AGPAT4: variants seen among roughly 807,000 people sequenced by gnomAD.
AGPAT4 encodes 1-acyl-sn-glycerol-3-phosphate acyltransferase delta.
AGPAT4 carries 15 observed loss-of-function variants against 48.0 expected under a neutral mutation model. The observed-to-expected ratio is 0.31, with a 90% confidence interval of 0.21 to 0.48. The LOEUF is 0.48. AGPAT4 is among the 20% of genes least tolerant of loss of function. The pLI is 0.99. For missense variants in AGPAT4, 314 were observed against 482.5 expected, an observed-to-expected ratio of 0.65 and a Z score of 3.27; for synonymous variants, 178 against 198.7, an observed-to-expected ratio of 0.90 and a Z score of 0.88.
rs1339611324 is a variant in AGPAT4 at position 161,219,923 on chromosome 6, CA to C, written c.178+12112del. 3.5e-4 allele frequency among the ~76,000 whole-genome samples: 43 copies of C among 121,210 alleles called. No homozygotes were observed. Among genetic ancestry groups the C allele is most frequent in the East Asian group, 2.0e-3 (9 of 4,424 alleles). The allele number at this position is 121,210 out of a possible 152,430, so 79.5% of individuals were successfully genotyped here. A position where few individuals can be genotyped will look rare whatever the true frequency, so the allele number is the denominator to read the frequency against. ...GGCAGGCAGGCAGGCAGGCGGCAGG[CA>C]GGCAGGCAGGCAGGCAGGCAGGCAG... On this transcript the variant is annotated intron_variant, in intron 2 of 8. Coordinates refer to ENST00000320285, the MANE Select transcript of AGPAT4 (RefSeq NM_020133.3). This position sits in a 1 kb window ranked among gnomAD's most constrained non-coding sequence, Gnocchi z 4.9.
At position 161,262,782 on chromosome 6, in the gene AGPAT4, T is replaced by G. The variant is rs1390184633; in HGVS notation, c.-90+11156A>C. On this transcript the variant is annotated intron_variant, in intron 1 of 8. Coordinates refer to ENST00000320285, the MANE Select transcript of AGPAT4 (RefSeq NM_020133.3). The surrounding 1 kb of genome is among the most constrained non-coding windows in gnomAD (Gnocchi z 4.9). ...AACTGGTACATTTCACACGCCTCTT[T>G]TGTTTTGAGTTCAAAAGATAACTCC... is the stretch of plus-strand genomic sequence containing the variant. Among the ~76,000 whole-genome samples, 1 of 152,160 alleles carries G rather than the reference T, an allele frequency of 6.6e-6. No homozygotes were observed. The highest frequency in any genetic ancestry group is 2.4e-5 in the African/African-American group (1 of 41,420).
At chr6:161,145,396 C>G (rs1779389678) in intron 7 of AGPAT4, among the ~76,000 whole-genome samples, 1 of 151,518 alleles carries the variant, frequency 6.6e-6, no homozygotes, top group Non-Finnish European at 1.5e-5. Context: ...TGCCCATAAC[C>G]TACATAGGAA....
rs1413361646 is a variant in AGPAT4 at position 161,139,440 on chromosome 6, T to C, written c.1024A>G (p.Ile342Val). Residue 342 changes from isoleucine (I) to valine (V), a missense_variant, in exon 8 of 9, where the codon ATC becomes GTC. By Grantham distance (29) the Ile-to-Val change is conservative (BLOSUM62 3). Coordinates refer to ENST00000320285, the MANE Select transcript of AGPAT4 (RefSeq NM_020133.3). This position sits in a 1 kb window ranked among gnomAD's most constrained non-coding sequence, Gnocchi z 9.1. ...SGSSLTLASF[I>V]LVFFVASVGV... The stretch of plus-strand genomic sequence containing the variant: ...CACTCACCCACAAAGAAGACGAGGA[T>C]GAAGCTGGCCAGCGTCAGGGAAGAC... The C allele has an allele frequency of 6.2e-7, 1 of 1,613,880 alleles. No individual in the cohort carries two copies. The highest frequency in any genetic ancestry group is 1.3e-5 in the African/African-American group (1 of 74,904).
At chr6:161,203,102 G>T (rs1781279049) in intron 2 of AGPAT4, among the ~76,000 whole-genome samples, 1 of 152,164 alleles carries the variant, frequency 6.6e-6, no homozygotes, top group African/African-American at 2.4e-5. Flanking sequence ...ACAATGAAAT[G>T]ATTATTTTAA....
chr6:161,187,840 G>A (rs905761488), intron 2 of AGPAT4, among the ~76,000 whole-genome samples: 24 of 152,126 alleles, frequency 1.6e-4, no homozygotes, highest in African/African-American at 4.6e-4. Context: ...CACCGTGCCC[G>A]GCCCAACTTT....
In AGPAT4 at chr6:161,159,423, A is replaced by G. The variant is rs1232502513; in HGVS notation, c.349-5113T>C. On this transcript the variant is annotated intron_variant, in intron 3 of 8. Transcript: ENST00000320285. The surrounding 1 kb of genome is among the most constrained non-coding windows in gnomAD (Gnocchi z 4.1). ...GGGAAGGGAGAAGCAGAAAGCTTTC[A>G]GTTTCTGTGTTCCACTTCTGCCACT... 1.3e-5 allele frequency among the ~76,000 whole-genome samples: 2 copies of G among 152,138 alleles called. No homozygotes were observed. Among genetic ancestry groups the G allele is most frequent in the Admixed American group, 1.3e-4 (2 of 15,278 alleles).
In AGPAT4 at chr6:161,173,566, T is replaced by G. The variant is rs185307388; in HGVS notation, c.179-7149A>C. Among the ~76,000 whole-genome samples the G allele has an allele frequency of 7.9e-5, 12 of 152,352 alleles. No homozygotes were observed. The East Asian group carries it at 2.3e-3, about 29-fold the overall frequency. ...TTAGCCCTTTGTCAGATGGGTAGAT[T>G]GTAAGATTTTTCTCCCATTCTGTAG... On this transcript the variant is annotated intron_variant, in intron 2 of 8. Coordinates refer to ENST00000320285, the MANE Select transcript of AGPAT4 (RefSeq NM_020133.3).
At position 161,222,368 on chromosome 6, in the gene AGPAT4, A is replaced by C. The variant is rs1236000586; in HGVS notation, c.178+9668T>G. The stretch of plus-strand genomic sequence containing the variant: ...GTGTAAAATATAAGACATCCAGATA[A>C]TAAGACAATTTTCTAAAATCATCTC... On this transcript the variant is annotated intron_variant, in intron 2 of 8. Coordinates refer to ENST00000320285, the MANE Select transcript of AGPAT4 (RefSeq NM_020133.3). This position sits in a 1 kb window ranked among gnomAD's most constrained non-coding sequence, Gnocchi z 5.9. 6.6e-6 allele frequency among the ~76,000 whole-genome samples: 1 copy of C among 151,128 alleles called. No homozygotes were observed. The highest frequency in any genetic ancestry group is 1.5e-5 in the Non-Finnish European group (1 of 68,036).
intron 2 of AGPAT4, among the ~76,000 whole-genome samples, chr6:161,170,504 C>CA (rs1488619413): frequency 6.6e-6 from 1 of 151,718 alleles, no homozygotes; most frequent in Non-Finnish European, 1.5e-5. Flanking sequence ...CACACACACA[C>CA]ACATACACAT....
Position 161,217,515 on chromosome 6 carries a change from G to A in AGPAT4, c.178+14521C>T, listed in dbSNP as rs1255939358. ...GTGTCCCTGGGGGAGTCCATCAGGT[G>A]CATGGTAATCCAGTATGAAGGCATT... is the stretch of plus-strand genomic sequence containing the variant. On this transcript the variant is annotated intron_variant, in intron 2 of 8. Coordinates refer to ENST00000320285, the MANE Select transcript of AGPAT4 (RefSeq NM_020133.3). This position sits in a 1 kb window ranked among gnomAD's most constrained non-coding sequence, Gnocchi z 4.9. Among the ~76,000 whole-genome samples the A allele has an allele frequency of 6.6e-6, 1 of 152,170 alleles. No homozygotes were observed. Among genetic ancestry groups the A allele is most frequent in the African/African-American group, 2.4e-5 (1 of 41,440 alleles).
chr6:161,264,911 C>T lies in AGPAT4; in HGVS notation c.-90+9027G>A, dbSNP rs1414261561. 6.6e-6 allele frequency among the ~76,000 whole-genome samples: 1 copy of T among 152,086 alleles called. No individual in the cohort carries two copies. Among genetic ancestry groups the T allele is most frequent in the East Asian group, 1.9e-4 (1 of 5,196 alleles). On this transcript the variant is annotated intron_variant, in intron 1 of 8. Transcript: ENST00000320285. This position sits in a 1 kb window ranked among gnomAD's most constrained non-coding sequence, Gnocchi z 6.8. Reference sequence around the variant, plus strand: ...GTCCCCCAGGGCTGGGGAGCTGAAGCCTAACTTCAGGCAGGGCAGGGTGCT... The same window carrying T: ...GTCCCCCAGGGCTGGGGAGCTGAAGTCTAACTTCAGGCAGGGCAGGGTGCT...
In AGPAT4 at chr6:161,261,921, G is replaced by A. The variant is rs1338031144; in HGVS notation, c.-90+12017C>T. Among the ~76,000 whole-genome samples, 6 of 152,168 alleles carry A rather than the reference G, an allele frequency of 3.9e-5. No homozygotes were observed. The highest frequency in any genetic ancestry group is 3.9e-4 in the Admixed American group (6 of 15,282). On this transcript the variant is annotated intron_variant, in intron 1 of 8. Transcript: ENST00000320285. This position sits in a 1 kb window ranked among gnomAD's most constrained non-coding sequence, Gnocchi z 5.3. ...GGCCAGAGACCCAGTTTGCCTGTAT[G>A]AGCTGTGCAGCCCTGGGAAGACTGC...
intron 2 of AGPAT4, among the ~76,000 whole-genome samples, chr6:161,207,083 A>G (rs1241111074): frequency 6.6e-6 from 1 of 152,240 alleles, no homozygotes; most frequent in African/African-American, 2.4e-5. Flanking sequence ...ACTTTTTCCA[A>G]TGCAGATAAG....
Position 161,259,336 on chromosome 6 carries a change from A to C in AGPAT4, c.-90+14602T>G, listed in dbSNP as rs190884078. Among the ~76,000 whole-genome samples the C allele has an allele frequency of 4.3e-4, 66 of 152,192 alleles. No homozygotes were observed. Among genetic ancestry groups the C allele is most frequent in the Non-Finnish European group, 8.5e-4 (58 of 68,008 alleles). On this transcript the variant is annotated intron_variant, in intron 1 of 8. Coordinates refer to ENST00000320285, the MANE Select transcript of AGPAT4 (RefSeq NM_020133.3). The surrounding 1 kb of genome is among the most constrained non-coding windows in gnomAD (Gnocchi z 4.9). Reference sequence around the variant, plus strand: ...ATGTAACAGACCTCTGCACCCCTGAAGCTTTAACAGCACCAATCATCCTTT... The same window carrying C: ...ATGTAACAGACCTCTGCACCCCTGACGCTTTAACAGCACCAATCATCCTTT...
intron 7 of AGPAT4, among the ~76,000 whole-genome samples, chr6:161,145,605 T>C (rs1779395697): frequency 6.6e-6 from 1 of 151,660 alleles, no homozygotes; most frequent in East Asian, 1.9e-4. Context: ...GTTAAGAGTC[T>C]TGTGGACTAA....
rs970161719 is a variant in AGPAT4, at chr6:161,214,897, C to A, written c.178+17139G>T. On this transcript the variant is annotated intron_variant, in intron 2 of 8. Transcript: ENST00000320285. This position sits in a 1 kb window ranked among gnomAD's most constrained non-coding sequence, Gnocchi z 5.4. ...TGAAAAGTCATTATGGGGCACGTGA[C>A]TATATTTCAAAACTATCTACGTTGA... is the stretch of plus-strand genomic sequence containing the variant. Among the ~76,000 whole-genome samples the A allele has an allele frequency of 6.6e-6, 1 of 152,154 alleles. No individual in the cohort carries two copies. Among genetic ancestry groups the A allele is most frequent in the African/African-American group, 2.4e-5 (1 of 41,428 alleles).
At chr6:161,160,886 C>T (rs1009541906) in intron 3 of AGPAT4, 9 of 402,872 alleles carry the variant, frequency 2.2e-5, no homozygotes, top group Admixed American at 8.1e-5. Flanking sequence ...GAAAACAGGA[C>T]GTCCCCAGGG....
rs1429344842 is a variant in AGPAT4 at position 161,159,093 on chromosome 6, C to G, written c.349-4783G>C. Among the ~76,000 whole-genome samples, 2 of 152,176 alleles carry G rather than the reference C, an allele frequency of 1.3e-5. No individual in the cohort carries two copies. The highest frequency in any genetic ancestry group is 2.9e-5 in the Non-Finnish European group (2 of 68,032). On this transcript the variant is annotated intron_variant, in intron 3 of 8. Coordinates refer to ENST00000320285, the MANE Select transcript of AGPAT4 (RefSeq NM_020133.3). This position sits in a 1 kb window ranked among gnomAD's most constrained non-coding sequence, Gnocchi z 4.1. ...CAATAAAGCAGGCTAAACAGCCTGC[C>G]TTTGAGTCCTTTGACTGTTTTCTTG...
Position 161,180,466 on chromosome 6 carries a change from C to T in AGPAT4, c.179-14049G>A, listed in dbSNP as rs555323436. On this transcript the variant is annotated intron_variant, in intron 2 of 8. Coordinates refer to ENST00000320285, the MANE Select transcript of AGPAT4 (RefSeq NM_020133.3). The surrounding 1 kb of genome is among the most constrained non-coding windows in gnomAD (Gnocchi z 6.4). ...AGCTGCAGATATGGGCACCATGTTA[C>T]GTGGGGAAATGGCCTTATGATCATT... Among the ~76,000 whole-genome samples the T allele has an allele frequency of 2.6e-5, 4 of 152,252 alleles. No homozygotes were observed. Among genetic ancestry groups the T allele is most frequent in the South Asian group, 2.1e-4 (1 of 4,820 alleles).
Sources: gnomAD v4.1 joint callset for allele counts (sites outside exome capture counted in the v4.1 genomes callset) on GRCh38, gnomAD v4.1.1 for gene constraint, Gnocchi (gnomAD v3.1) non-coding constraint, MANE v1.5 for transcripts, NCBI Gene and HGNC (gene_info 2026-07-23, HGNC 2026-07-21) for gene names.